BMPER: variants seen among roughly 807,000 people sequenced by gnomAD.
BMPER encodes BMP binding endothelial regulator.
A neutral mutation model predicts 87.3 loss-of-function variants in BMPER; 45 were observed. That is an observed-to-expected ratio of 0.52 (90% CI 0.41 to 0.66). The LOEUF (loss-of-function observed/expected upper bound fraction) is 0.66, where lower values mean the gene tolerates loss of function less well. Ranked by LOEUF, BMPER falls within the 30% of genes least tolerant of loss-of-function variation. The pLI is 0.00. For missense variants in BMPER, 784 were observed against 867.5 expected (o/e 0.90, Z 1.21); for synonymous variants, 326 against 316.2 (o/e 1.03, Z -0.33).
At chr7:33,931,111 T>A (rs1179918526) in intron 2 of BMPER, among the ~76,000 whole-genome samples, 1 of 152,198 alleles carries the variant, frequency 6.6e-6, no homozygotes, top group Non-Finnish European at 1.5e-5. Context: ...CTCTCATAGG[T>A]TACCTTGTAC....
At chr7:34,103,272 C>T (rs188107477) in intron 13 of BMPER, among the ~76,000 whole-genome samples, 4 of 152,178 alleles carry the variant, frequency 2.6e-5, no homozygotes, top group Non-Finnish European at 5.9e-5. Flanking sequence ...TAATGCCCAA[C>T]TATTGAAAAG....
At chr7:34,010,516 C>T (rs1269891711) in intron 6 of BMPER, among the ~76,000 whole-genome samples, 1 of 151,894 alleles carries the variant, frequency 6.6e-6, no homozygotes, top group Admixed American at 6.6e-5. Context: ...TTTGACATCA[C>T]TTGTGCTACT....
intron 13 of BMPER, among the ~76,000 whole-genome samples, chr7:34,141,326 T>G (rs1472147437): frequency 6.6e-6 from 1 of 152,126 alleles, no homozygotes; most frequent in Admixed American, 6.6e-5. Context: ...AATACAATCT[T>G]GAGCCAGGCA....
intron 6 of BMPER, among the ~76,000 whole-genome samples, chr7:33,984,780 C>T (rs759456976): frequency 5.3e-5 from 8 of 152,172 alleles, no homozygotes; most frequent in Non-Finnish European, 1.2e-4. Context: ...TTCGTTGTAT[C>T]CTAGAAAAGA....
At chr7:33,956,228 T>C (rs1297004161) in intron 3 of BMPER, among the ~76,000 whole-genome samples, 2 of 152,100 alleles carry the variant, frequency 1.3e-5, no homozygotes, top group African/African-American at 4.8e-5. Flanking sequence ...GAAAAATTGA[T>C]AAATTTACCT....
At chr7:34,096,700 A>G (rs933156077) in intron 13 of BMPER, among the ~76,000 whole-genome samples, 5 of 152,188 alleles carry the variant, frequency 3.3e-5, no homozygotes, top group African/African-American at 1.2e-4. Flanking sequence ...AAGTGTACAC[A>G]TTAAAAAAAA....
chr7:33,974,619 G>A (rs910524692), intron 5 of BMPER, 83 bp from the exon 6 acceptor site: 32 of 1,373,138 alleles, frequency 2.3e-5, no homozygotes, highest in Admixed American at 1.2e-4. Flanking sequence ...GGTGGGCAAC[G>A]GATGAACTGT....
intron 3 of BMPER, among the ~76,000 whole-genome samples, chr7:33,948,116 T>C (rs866373078): frequency 1.3e-5 from 2 of 152,304 alleles, no homozygotes; most frequent in Non-Finnish European, 2.9e-5. Flanking sequence ...CGTGGTTCTT[T>C]CCTCAACCTC....
At chr7:34,010,123 C>T (rs1786839715) in intron 6 of BMPER, among the ~76,000 whole-genome samples, 1 of 151,922 alleles carries the variant, frequency 6.6e-6, no homozygotes, top group Admixed American at 6.6e-5. Context: ...CTTCTCACCT[C>T]CAGGACTCAG....
At chr7:34,066,945 G>T (rs1326877515) in intron 11 of BMPER, among the ~76,000 whole-genome samples, 1 of 152,120 alleles carries the variant, frequency 6.6e-6, no homozygotes, top group South Asian at 2.1e-4. Context: ...CAGCCCAGAC[G>T]TGCATGCCCA....
At chr7:34,104,023 A>T (rs77112580) in intron 13 of BMPER, among the ~76,000 whole-genome samples, 5,279 of 152,226 alleles carry the variant, frequency 0.035, 252 homozygotes, top group African/African-American at 0.11. Flanking sequence ...TTTTACCCAC[A>T]TTGTACTCCA....
intron 3 of BMPER, among the ~76,000 whole-genome samples, chr7:33,966,020 A>G (rs73316012): frequency 0.26 from 39,969 of 152,084 alleles, 5,504 homozygotes; most frequent in East Asian, 0.32. Flanking sequence ...ATCTTAGATG[A>G]GTATAGAATT....
chr7:34,119,297 G>A (rs1790203019), intron 13 of BMPER, among the ~76,000 whole-genome samples: 1 of 152,144 alleles, frequency 6.6e-6, no homozygotes, highest in African/African-American at 2.4e-5. Context: ...AACCAGATGG[G>A]CTGAACATCT....
At chr7:33,969,020 AGTT>A (rs1785471511) in intron 4 of BMPER, among the ~76,000 whole-genome samples, 1 of 152,156 alleles carries the variant, frequency 6.6e-6, no homozygotes. Flanking sequence ...CTAGTACTTT[AGTT>A]GTTTTATTCT....
chr7:33,950,409 A>T (rs1287914782), intron 3 of BMPER, among the ~76,000 whole-genome samples: 1 of 152,118 alleles, frequency 6.6e-6, no homozygotes, highest in Admixed American at 6.5e-5. Flanking sequence ...CTAAAATAAC[A>T]TCATTTATTA....
At chr7:34,062,102 G>A in intron 11 of BMPER, 55 bp downstream of exon 11, 1 of 1,514,466 alleles carries the variant, frequency 6.6e-7, no homozygotes, top group Non-Finnish European at 9.1e-7. Flanking sequence ...ATTTTATAGT[G>A]CAACAAGAAA....
Position 33,935,600 on chromosome 7 carries a change from G to GAGAGAGAGAGAGAAGGAGAA in BMPER, c.220-1675_220-1656dup, listed in dbSNP as rs1388900414. Among the ~76,000 whole-genome samples, 854 of 151,750 alleles carry GAGAGAGAGAGAGAAGGAGAA rather than the reference G, an allele frequency of 5.6e-3. 7 individuals carry two copies. The highest frequency in any genetic ancestry group is 9.6e-3 in the Non-Finnish European group (652 of 67,890). ...AAAGAAAGAGAGAAAGAGACAGAGA[G>GAGAGAGAGAGAGAAGGAGAA]AGAGAGAGAGAGAAGGAGAAAGAGA... On this transcript the variant is annotated intron_variant, in intron 2 of 14. Transcript: ENST00000649409.
intron 11 of BMPER, among the ~76,000 whole-genome samples, chr7:34,075,099 G>GC (rs1788830329): frequency 6.6e-6 from 1 of 151,992 alleles, no homozygotes; most frequent in Non-Finnish European, 1.5e-5. Flanking sequence ...CAGAAGAAAG[G>GC]CATTTCATTA....
At chr7:33,978,391 G>A (rs1042834770) in intron 6 of BMPER, among the ~76,000 whole-genome samples, 2 of 152,184 alleles carry the variant, frequency 1.3e-5, no homozygotes, top group African/African-American at 4.8e-5. Flanking sequence ...ATAATAGTAC[G>A]AATAGACTTT....
Sources: gnomAD v4.1 joint callset for allele counts (sites outside exome capture counted in the v4.1 genomes callset) on GRCh38, gnomAD v4.1.1 for gene constraint, MANE v1.5 for transcripts, NCBI Gene and HGNC (gene_info 2026-07-23, HGNC 2026-07-21) for gene names.